PDPK1: variants seen among roughly 807,000 people sequenced by gnomAD.
PDPK1 encodes the protein 3-phosphoinositide dependent protein kinase 1, also known as 3-phosphoinositide-dependent protein kinase 1.
PDPK1 carries 7 observed loss-of-function variants against 39.8 expected under a neutral mutation model. That is an observed-to-expected ratio of 0.18 (90% CI 0.10 to 0.33). The LOEUF (loss-of-function observed/expected upper bound fraction) is 0.33. Ranked by LOEUF, PDPK1 falls within the 10% of genes least tolerant of loss-of-function variation. PDPK1 has a pLI of 1.00. For synonymous variants in PDPK1, 118 were observed against 159.1 expected (o/e 0.74, Z 1.95); for missense variants, 182 against 384.7 (o/e 0.47, Z 4.41).
intron 11 of PDPK1, among the ~76,000 whole-genome samples, chr16:2,589,864 G>T (rs1483440436): frequency 2.0e-5 from 3 of 152,232 alleles, no homozygotes; most frequent in Non-Finnish European, 4.4e-5. Flanking sequence ...CTTAGAAGCT[G>T]CATTGTAGAG....
rs953488092 is a variant in PDPK1, at chr16:2,601,210, G to A, written c.*3443G>A. The A allele has an allele frequency of 1.7e-5, 4 of 233,432 alleles. No individual in the cohort carries two copies. The highest frequency in any genetic ancestry group is 3.4e-5 in the Non-Finnish European group (4 of 117,728). 14.5% of individuals were successfully genotyped at this position (233,432 alleles called of 1,614,324 possible). ...CTCTCTCTCGACCTGATGTGTAGAC[G>A]CTCACTTCCAGTAGCAGAACCACCT... is the stretch of plus-strand genomic sequence containing the variant. On this transcript the variant is annotated 3_prime_UTR_variant, in exon 14 of 14. Transcript: ENST00000342085.
In PDPK1 at chr16:2,593,184, G is replaced by GCCCA; in HGVS notation, c.1344-2608_1344-2605dup. ...ATGCCCAGATGATCAGGGTGGAGCGGCCCAGCTCAATGTCTTCATTTAGGG... is the reference window on the plus strand; with the variant it reads ...ATGCCCAGATGATCAGGGTGGAGCGGCCCACCCAGCTCAATGTCTTCATTTAGGG... On this transcript the variant is annotated intron_variant, in intron 11 of 13. Transcript: ENST00000342085. The surrounding 1 kb of genome is among the most constrained non-coding windows in gnomAD (Gnocchi z 4.2). The GCCCA allele has an allele frequency of 2.3e-6, 1 of 428,536 alleles. No homozygotes were observed. The highest frequency in any genetic ancestry group is 1.6e-5 in the South Asian group (1 of 60,818). The allele number at this position is 428,536 out of a possible 1,614,324, so 26.5% of individuals were successfully genotyped here.
chr16:2,538,368 C>G, intron 1 of PDPK1: 1 of 381,114 alleles, frequency 2.6e-6, no homozygotes, highest in Non-Finnish European at 5.0e-6. Context: ...GGGGCGCTGA[C>G]AGACGCGCGG....
intron 11 of PDPK1, chr16:2,592,806 C>G: frequency 4.4e-6 from 2 of 456,214 alleles, no homozygotes; most frequent in South Asian, 3.1e-5. Context: ...TGCCCGCAGT[C>G]TCTGTCCATG....
In PDPK1 at chr16:2,592,879, C is replaced by T. The variant is rs773035685; in HGVS notation, c.1344-2914C>T. 16 of 456,412 alleles carry T rather than the reference C, an allele frequency of 3.5e-5. 1 individual carries two copies. The highest frequency in any genetic ancestry group is 2.2e-4 in the South Asian group (14 of 64,564). 28.3% of individuals were successfully genotyped at this position (456,412 alleles called of 1,614,324 possible). A position where few individuals can be genotyped will look rare whatever the true frequency, so the allele number is the denominator to read the frequency against. ...TTGTCTCTCTCAGGGGATGCTGGCGCGGGGGTGGGTGGCGCCTGTCCGTGG... is the reference window on the plus strand; with the variant it reads ...TTGTCTCTCTCAGGGGATGCTGGCGTGGGGGTGGGTGGCGCCTGTCCGTGG... On this transcript the variant is annotated intron_variant, in intron 11 of 13. Coordinates refer to ENST00000342085, the MANE Select transcript of PDPK1 (RefSeq NM_002613.5).
At chr16:2,545,437 C>T (rs1394346601) in intron 1 of PDPK1, among the ~76,000 whole-genome samples, 3 of 151,908 alleles carry the variant, frequency 2.0e-5, no homozygotes, top group South Asian at 2.1e-4. Context: ...GGGCTCAAGC[C>T]ATCCTCCAGC....
intron 1 of PDPK1, among the ~76,000 whole-genome samples, chr16:2,543,997 A>T (rs539966612): frequency 1.0e-3 from 152 of 151,846 alleles, no homozygotes; most frequent in African/African-American, 3.4e-3. Context: ...GGCCCCCCAA[A>T]GTGGTGGGAT....
At chr16:2,540,471 C>G (rs995265273) in intron 1 of PDPK1, among the ~76,000 whole-genome samples, 1 of 152,128 alleles carries the variant, frequency 6.6e-6, no homozygotes, top group Non-Finnish European at 1.5e-5. Context: ...GTAGAGACTC[C>G]AGTGTCACCC....
intron 1 of PDPK1, among the ~76,000 whole-genome samples, chr16:2,551,486 G>A (rs1217467599): frequency 6.6e-6 from 1 of 150,460 alleles, no homozygotes; most frequent in Non-Finnish European, 1.5e-5. Context: ...TGCTTGCCGC[G>A]TGTGAGAGTG....
intron 11 of PDPK1, among the ~76,000 whole-genome samples, chr16:2,588,668 G>T (rs2141996736): frequency 6.6e-6 from 1 of 152,230 alleles, no homozygotes; most frequent in South Asian, 2.1e-4. Context: ...ACTTCCTTCA[G>T]ATTTTAGGTC....
intron 2 of PDPK1, among the ~76,000 whole-genome samples, 164 bp from the exon 3 acceptor site, chr16:2,561,316 G>GTAGATGTAGA (rs1207698550): frequency 7.0e-6 from 1 of 142,674 alleles, no homozygotes; most frequent in Non-Finnish European, 1.5e-5. Flanking sequence ...CACGAGCATT[G>GTAGATGTAGA]GCTTTTAGCT....
In PDPK1 at chr16:2,597,882, G is replaced by GC; in HGVS notation, c.*116dup. On this transcript the variant is annotated 3_prime_UTR_variant, in exon 14 of 14. Coordinates refer to ENST00000342085, the MANE Select transcript of PDPK1 (RefSeq NM_002613.5). The surrounding 1 kb of genome is among the most constrained non-coding windows in gnomAD (Gnocchi z 6.3). ...CAGCCATCACAAGGGGAACGCAGAGGCGGAAACCTTGCAGCATTTTTATTT... is the reference window on the plus strand; with the variant it reads ...CAGCCATCACAAGGGGAACGCAGAGGCCGGAAACCTTGCAGCATTTTTATTT... 1 of 646,974 alleles carries GC rather than the reference G, an allele frequency of 1.5e-6. No individual in the cohort carries two copies. The allele number at this position is 646,974 out of a possible 1,614,324, so 40.1% of individuals were successfully genotyped here. A position where few individuals can be genotyped will look rare whatever the true frequency, so the allele number is the denominator to read the frequency against.
In PDPK1 at chr16:2,590,997, C is replaced by G. The variant is rs1252089275; in HGVS notation, c.1343+4104C>G. ...TCTGTTTTTGAAACGGAGTCTCATT[C>G]TGTCGCCCAGGCTGGAGTGCAGTGG... On this transcript the variant is annotated intron_variant, in intron 11 of 13. Transcript: ENST00000342085. Among the ~76,000 whole-genome samples, 4 of 144,824 alleles carry G rather than the reference C, an allele frequency of 2.8e-5. No individual in the cohort carries two copies. The Admixed American group carries it at 2.8e-4, about 10-fold the overall frequency.
intron 1 of PDPK1, among the ~76,000 whole-genome samples, chr16:2,545,146 C>T (rs1333495988): frequency 2.0e-4 from 30 of 150,994 alleles, no homozygotes; most frequent in Non-Finnish European, 2.9e-4. Flanking sequence ...AAGTGATTCT[C>T]CTGCCTCTGC....
chr16:2,545,999 CT>C (rs1321381639), intron 1 of PDPK1, among the ~76,000 whole-genome samples: 1 of 152,140 alleles, frequency 6.6e-6, no homozygotes, highest in African/African-American at 2.4e-5. Context: ...GATTCACAAT[CT>C]GGATTTGTCT....
In PDPK1 at chr16:2,597,828, G is replaced by T; in HGVS notation, c.*61G>T. ...ACACCTGCCCCAGCGCGGCTTGGCCGCCATCCGGGACGCTTCCAGACCACC... is the reference window on the plus strand; with the variant it reads ...ACACCTGCCCCAGCGCGGCTTGGCCTCCATCCGGGACGCTTCCAGACCACC... On this transcript the variant is annotated 3_prime_UTR_variant, in exon 14 of 14. Transcript: ENST00000342085. This position sits in a 1 kb window ranked among gnomAD's most constrained non-coding sequence, Gnocchi z 6.3. The T allele has an allele frequency of 1.9e-5, 22 of 1,170,926 alleles. No homozygotes were observed. The highest frequency in any genetic ancestry group is 9.1e-5 in the Admixed American group (5 of 54,874). 72.5% of individuals were successfully genotyped at this position (1,170,926 alleles called of 1,614,324 possible).
intron 6 of PDPK1, chr16:2,569,550 A>C (rs1427053060): frequency 1.3e-5 from 2 of 150,686 alleles, no homozygotes; most frequent in African/African-American, 4.8e-5. Flanking sequence ...TTTTGGTAGC[A>C]GGAGGCTAAA....
At chr16:2,580,387 T>C (rs2066803059) in intron 7 of PDPK1, among the ~76,000 whole-genome samples, 4 of 146,488 alleles carry the variant, frequency 2.7e-5, no homozygotes, top group Admixed American at 6.7e-5. Context: ...CTCCCTCTAG[T>C]GGGCGAGACG....
At chr16:2,557,678 C>G in intron 1 of PDPK1, 25 bp from the exon 2 acceptor site, 1 of 685,324 alleles carries the variant, frequency 1.5e-6, no homozygotes, top group Non-Finnish European at 2.6e-6. Flanking sequence ...TTGAGCCTTA[C>G]TTCCTTTTCC....
Sources: gnomAD v4.1 joint callset for allele counts (sites outside exome capture counted in the v4.1 genomes callset) on GRCh38, gnomAD v4.1.1 for gene constraint, Gnocchi (gnomAD v3.1) non-coding constraint, MANE v1.5 for transcripts, NCBI Gene and HGNC (gene_info 2026-07-23, HGNC 2026-07-21) for gene names.